SLC10A7: variants seen among roughly 807,000 people sequenced by gnomAD.
SLC10A7 encodes the protein solute carrier family 10 member 7.
SLC10A7 carries 29 observed loss-of-function variants against 43.2 expected under a neutral mutation model. That is an observed-to-expected ratio of 0.67 (90% CI 0.50 to 0.92). SLC10A7 has a LOEUF of 0.92. Ranked by LOEUF, SLC10A7 falls within the 40% of genes least tolerant of loss-of-function variation. SLC10A7 has a pLI of 0.00. For synonymous variants in SLC10A7, 152 were observed against 144.8 expected, an observed-to-expected ratio of 1.05 and a Z score of -0.35; for missense variants, 295 against 403.2, an observed-to-expected ratio of 0.73 and a Z score of 2.30.
At chr4:146,445,799 C>A (rs755454836) in intron 4 of SLC10A7, among the ~76,000 whole-genome samples, 1 of 152,054 alleles carries the variant, frequency 6.6e-6, no homozygotes, top group Non-Finnish European at 1.5e-5. Context: ...GTCTGGCCAT[C>A]CCTAATCGAA....
chr4:146,359,615 C>A (rs1320562264), intron 5 of SLC10A7, among the ~76,000 whole-genome samples: 2 of 152,074 alleles, frequency 1.3e-5, no homozygotes, highest in Non-Finnish European at 2.9e-5. Flanking sequence ...TCATACCCAA[C>A]AGCATCTAGA....
Position 146,395,435 on chromosome 4 carries a change from G to A in SLC10A7, c.435+47348C>T, listed in dbSNP as rs894286163. ...ACCCCCACACAGTTGCTACTATCTT[G>A]TATTTCATAGATTTATGTGTACATG... On this transcript the variant is annotated intron_variant, in intron 5 of 11. Transcript: ENST00000335472. Among the ~76,000 whole-genome samples, 4 of 152,038 alleles carry A rather than the reference G, an allele frequency of 2.6e-5. No homozygotes were observed. The East Asian group carries it at 7.7e-4, about 29-fold the overall frequency.
At chr4:146,439,247 TA>T (rs982456266) in intron 5 of SLC10A7, among the ~76,000 whole-genome samples, 2 of 152,068 alleles carry the variant, frequency 1.3e-5, no homozygotes, top group African/African-American at 4.8e-5. Flanking sequence ...CGTTCTATAA[TA>T]ATTAGTTCCT....
chr4:146,471,123 A>T (rs1417239451), intron 4 of SLC10A7, among the ~76,000 whole-genome samples: 1 of 152,220 alleles, frequency 6.6e-6, no homozygotes, highest in Non-Finnish European at 1.5e-5. Flanking sequence ...TGCATTATAT[A>T]TACTTACTGG....
At chr4:146,421,581 C>T (rs1728969573) in intron 5 of SLC10A7, among the ~76,000 whole-genome samples, 1 of 152,172 alleles carries the variant, frequency 6.6e-6, no homozygotes, top group Non-Finnish European at 1.5e-5. Context: ...ACTGTCTCAC[C>T]TAATTTCCAC....
intron 4 of SLC10A7, among the ~76,000 whole-genome samples, chr4:146,481,285 A>T (rs1734452196): frequency 6.6e-6 from 1 of 152,256 alleles, no homozygotes; most frequent in African/African-American, 2.4e-5. Flanking sequence ...CTGGCACATA[A>T]TGAGTGCCCC....
chr4:146,420,951 C>T (rs1370520030), intron 5 of SLC10A7, among the ~76,000 whole-genome samples: 1 of 152,026 alleles, frequency 6.6e-6, no homozygotes, highest in African/African-American at 2.4e-5. Flanking sequence ...TGCTTGAGCC[C>T]TGGAGGTTGA....
chr4:146,270,214 T>C (rs1728810482), intron 10 of SLC10A7, among the ~76,000 whole-genome samples: 1 of 152,202 alleles, frequency 6.6e-6, no homozygotes, highest in Non-Finnish European at 1.5e-5. Flanking sequence ...CATTTGGCAG[T>C]TAGGACCTCA....
At chr4:146,517,007 T>A in intron 2 of SLC10A7, 31 bp downstream of exon 2, 1 of 1,512,428 alleles carries the variant, frequency 6.6e-7, no homozygotes, top group Non-Finnish European at 9.0e-7. Flanking sequence ...TTTTTCTCCC[T>A]GCTTTTCATG....
chr4:146,281,505 G>A (rs147276182), intron 10 of SLC10A7, among the ~76,000 whole-genome samples: 2 of 151,946 alleles, frequency 1.3e-5, no homozygotes, highest in Non-Finnish European at 2.9e-5. Context: ...GTGCAGCCAT[G>A]GTTCGGCCTA....
intron 4 of SLC10A7, among the ~76,000 whole-genome samples, chr4:146,452,251 A>G (rs771757205): frequency 1.1e-4 from 16 of 152,116 alleles, no homozygotes; most frequent in Non-Finnish European, 2.1e-4. Context: ...ATTGGCCACA[A>G]TTGTTGGAGG....
chr4:146,340,585 A>G (rs1734198140), intron 5 of SLC10A7, among the ~76,000 whole-genome samples: 1 of 151,300 alleles, frequency 6.6e-6, no homozygotes, highest in East Asian at 1.9e-4. Flanking sequence ...TAGACTTTTA[A>G]CCTGGACATT....
chr4:146,520,445 G>A (rs1738518401), intron 1 of SLC10A7, among the ~76,000 whole-genome samples: 1 of 152,134 alleles, frequency 6.6e-6, no homozygotes, highest in African/African-American at 2.4e-5. Context: ...GAATACAGAA[G>A]AACAAAATTT....
chr4:146,326,121 G>T, intron 5 of SLC10A7, 125 bp from the exon 6 acceptor site: 1 of 714,072 alleles, frequency 1.4e-6, no homozygotes, highest in Non-Finnish European at 2.3e-6. Flanking sequence ...AAATCTAGGA[G>T]ATAAAGAGGG....
intron 5 of SLC10A7, among the ~76,000 whole-genome samples, chr4:146,372,957 C>T (rs1736897971): frequency 6.6e-6 from 1 of 152,100 alleles, no homozygotes; most frequent in South Asian, 2.1e-4. Context: ...TTGCTAGAAT[C>T]CATTTGTTCT....
At chr4:146,282,863 T>C (rs1729636207) in intron 10 of SLC10A7, among the ~76,000 whole-genome samples, 1 of 152,174 alleles carries the variant, frequency 6.6e-6, no homozygotes, top group Admixed American at 6.5e-5. Context: ...AGCAATGTTT[T>C]TGCCAATTCC....
chr4:146,521,584 G>C, intron 1 of SLC10A7, 34 bp downstream of exon 1: 1 of 1,568,846 alleles, frequency 6.4e-7, no homozygotes, highest in Non-Finnish European at 8.7e-7. Context: ...TGAAGTGGGA[G>C]CCGCGGTGGA....
At chr4:146,368,310 C>G (rs1466736431) in intron 5 of SLC10A7, among the ~76,000 whole-genome samples, 3 of 152,196 alleles carry the variant, frequency 2.0e-5, no homozygotes, top group Non-Finnish European at 4.4e-5. Flanking sequence ...AGGCAGTACA[C>G]AGCATGAGAG....
At chr4:146,489,165 A>G (rs1246406828) in intron 4 of SLC10A7, among the ~76,000 whole-genome samples, 1 of 152,218 alleles carries the variant, frequency 6.6e-6, no homozygotes, top group African/African-American at 2.4e-5. Context: ...AGAAATATCA[A>G]CACATCCATA....
Sources: allele counts gnomAD v4.1 joint callset (sites outside exome capture counted in the v4.1 genomes callset), GRCh38; gene constraint gnomAD v4.1.1; transcripts MANE v1.5; gene names NCBI Gene and HGNC (gene_info 2026-07-23, HGNC 2026-07-21).